The following EDC4 variants were observed in gnomAD, a reference collection of about 807,000 sequenced individuals.
EDC4 encodes the protein enhancer of mRNA-decapping protein 4.
Under a neutral mutation model 155.8 loss-of-function variants are expected in EDC4, and 64 were observed. That is an observed-to-expected ratio of 0.41 (90% CI 0.34 to 0.51). The LOEUF is 0.51. Ranked by LOEUF, EDC4 falls within the 20% of genes least tolerant of loss-of-function variation. EDC4 has a pLI of 0.19. For missense variants in EDC4, 1,303 were observed against 1,812.5 expected (o/e 0.72, Z 5.10); for synonymous variants, 684 against 716.8 (o/e 0.95, Z 0.73).
In EDC4 at chr16:67,876,704, C is replaced by A; in HGVS notation, c.351+105C>A. The A allele has an allele frequency of 6.4e-7, 1 of 1,558,142 alleles. No individual in the cohort carries two copies. The highest frequency in any genetic ancestry group is 1.2e-5 in the South Asian group (1 of 83,756). On this transcript the variant is annotated intron_variant, in intron 3 of 28. Transcript: ENST00000358933. This position sits in a 1 kb window ranked among gnomAD's most constrained non-coding sequence, Gnocchi z 5.8. ...CTATGGGGACCACCTTGACACTTTC[C>A]CAGTTTCAGGAAGCCAGGGCTGGGT...
chr16:67,878,790 G>T lies in EDC4; in HGVS notation c.1238G>T (p.Cys413Phe), dbSNP rs544224004. 6.2e-7 allele frequency: 1 copy of T among 1,614,132 alleles called. No homozygotes were observed. The highest frequency in any genetic ancestry group is 1.3e-5 in the African/African-American group (1 of 75,032). Residue 413 changes from cysteine (C) to phenylalanine (F), a missense_variant, in exon 11 of 29, where the codon TGC (cysteine) becomes TTC (phenylalanine). Around this residue, in one of 5 missense-constraint regions of EDC4, gnomAD observed 235 missense variants for 367.7 expected, o/e 0.64. Transcript: ENST00000358933. The surrounding 1 kb of genome is among the most constrained non-coding windows in gnomAD (Gnocchi z 5.2). The part of the protein sequence containing the change: ...SVSVPPSLKV[C>F]LDLSAEYLIL... ...AGTGTGCCCCCTAGCCTCAAGGTTT[G>T]CTTGGACCTCTCAGCAGAATACCTG...
rs1567389985 is a variant in EDC4, at chr16:67,878,632, G to A, written c.1184+1G>A. 6.2e-7 allele frequency: 1 copy of A among 1,614,194 alleles called. No individual in the cohort carries two copies. Among genetic ancestry groups the A allele is most frequent in the Non-Finnish European group, 8.5e-7 (1 of 1,180,026 alleles). ...CCTGGACCTGCCTGCAGACTATTCG[G>A]TAAGCAGTGGCTGGAAGGCTGGGGG... On this transcript the variant is annotated splice_donor_variant, in intron 10 of 28. Transcript: ENST00000358933. LOFTEE classifies it high-confidence loss of function. This position sits in a 1 kb window ranked among gnomAD's most constrained non-coding sequence, Gnocchi z 5.2.
Position 67,882,725 on chromosome 16 carries a change from A to T in EDC4, c.3489A>T (p.Glu1163Asp), listed in dbSNP as rs149853244. 2 of 1,614,124 alleles carry T rather than the reference A, an allele frequency of 1.2e-6. No homozygotes were observed. Among genetic ancestry groups the T allele is most frequent in the Non-Finnish European group, 1.7e-6 (2 of 1,180,036 alleles). The part of the protein sequence containing the change: ...ESHMKSRKAR[E>D]QEAREPVLAQ... ...ACATGAAGAGCCGGAAGGCACGGGA[A>T]CAGGAGGCCAGGGAGCCTGTGCTAG... The change falls in exon 26 of 29, where the codon GAA becomes GAT. Residue 1163 changes from glutamate (E) to aspartate (D), a missense_variant. Glu to Asp is a conservative substitution (Grantham distance 45). Transcript: ENST00000358933. The surrounding 1 kb of genome is among the most constrained non-coding windows in gnomAD (Gnocchi z 7.2).
In EDC4 at chr16:67,881,706, G is replaced by T; in HGVS notation, c.2865G>T (p.Trp955Cys). 1 of 1,614,020 alleles carries T rather than the reference G, an allele frequency of 6.2e-7. No homozygotes were observed. The highest frequency in any genetic ancestry group is 8.5e-7 in the Non-Finnish European group (1 of 1,179,960). The change falls in exon 22 of 29, where the codon TGG becomes TGT. Residue 955 changes from tryptophan (W) to cysteine (C), a missense_variant. Trp to Cys is a radical substitution (Grantham distance 215, BLOSUM62 -2). Coordinates refer to ENST00000358933, the MANE Select transcript of EDC4 (RefSeq NM_014329.5). This position sits in a 1 kb window ranked among gnomAD's most constrained non-coding sequence, Gnocchi z 5.4. Reference protein sequence around the residue: ...EPPEDWPALIWQQQRELAELR... With the variant: ...EPPEDWPALICQQQRELAELR... ...CTGAGGACTGGCCAGCACTAATTTG[G>T]CAACAGCAGAGAGAGCTGGCAGAGC...
Position 67,879,075 on chromosome 16 carries a change from G to A in EDC4, c.1406G>A (p.Arg469His), listed in dbSNP as rs145624562. The A allele has an allele frequency of 7.4e-6, 12 of 1,613,430 alleles. No individual in the cohort carries two copies. Among genetic ancestry groups the A allele is most frequent in the African/African-American group, 1.3e-5 (1 of 74,954 alleles). The change falls in exon 12 of 29, where the codon CGC (arginine) becomes CAC (histidine). Residue 469 changes from arginine (R) to histidine (H), a missense_variant. Transcript: ENST00000358933. The surrounding 1 kb of genome is among the most constrained non-coding windows in gnomAD (Gnocchi z 6.0). ...AGCTTTGGTATCCAGGTTGTGAGTC[G>A]CTGCCGGCTACGGCACACTGAGGTG... The part of the protein sequence containing the change: ...VLSFGIQVVS[R>H]CRLRHTEVLP...
Position 67,879,175 on chromosome 16 carries a change from T to C in EDC4, c.1468+38T>C, listed in dbSNP as rs1436759862. On this transcript the variant is annotated intron_variant, in intron 12 of 28. Transcript: ENST00000358933. The surrounding 1 kb of genome is among the most constrained non-coding windows in gnomAD (Gnocchi z 6.0). ...AGGGTCAGAGCTATGTGTCCATATATCTAGGGGGTTGTGGAGGCACAGAGA... is the reference window on the plus strand; with the variant it reads ...AGGGTCAGAGCTATGTGTCCATATACCTAGGGGGTTGTGGAGGCACAGAGA... 6.2e-7 allele frequency: 1 copy of C among 1,613,974 alleles called. No homozygotes were observed. Among genetic ancestry groups the C allele is most frequent in the African/African-American group, 1.3e-5 (1 of 74,904 alleles).
Position 67,876,700 on chromosome 16 carries a change from T to C in EDC4, c.351+101T>C. The C allele has an allele frequency of 6.4e-7, 1 of 1,558,588 alleles. No individual in the cohort carries two copies. The highest frequency in any genetic ancestry group is 1.2e-5 in the South Asian group (1 of 83,920). ...GTTCCTATGGGGACCACCTTGACAC[T>C]TTCCCAGTTTCAGGAAGCCAGGGCT... On this transcript the variant is annotated intron_variant, in intron 3 of 28. Coordinates refer to ENST00000358933, the MANE Select transcript of EDC4 (RefSeq NM_014329.5). The surrounding 1 kb of genome is among the most constrained non-coding windows in gnomAD (Gnocchi z 5.8).
At chr16:67,874,482 C>G (rs1447540737) in intron 1 of EDC4, among the ~76,000 whole-genome samples, 1 of 152,182 alleles carries the variant, frequency 6.6e-6, no homozygotes, top group African/African-American at 2.4e-5. Flanking sequence ...CCTCTTTACT[C>G]ATGAGTTGGG....
rs1331709314 is a variant in EDC4 at position 67,880,216 on chromosome 16, G to GGTGTGTGACTGGGTGT, written c.2097+9_2097+24dup. On this transcript the variant is annotated frameshift_variant and splice_region_variant. Coordinates refer to ENST00000358933, the MANE Select transcript of EDC4 (RefSeq NM_014329.5). LOFTEE classifies it high-confidence loss of function. This position sits in a 1 kb window ranked among gnomAD's most constrained non-coding sequence, Gnocchi z 5.2. ...AACTGACTCCCAAGGGGCCGGGCCA[G>GGTGTGTGACTGGGTGT]GTGTGTGACTGGGTGTGTGTGTGAA... The GGTGTGTGACTGGGTGT allele has an allele frequency of 1.2e-6, 2 of 1,600,952 alleles. No individual in the cohort carries two copies. Among genetic ancestry groups the GGTGTGTGACTGGGTGT allele is most frequent in the Non-Finnish European group, 1.7e-6 (2 of 1,175,248 alleles).
At position 67,883,754 on chromosome 16, in the gene EDC4, G is replaced by A; in HGVS notation, c.4013+23G>A. 1 of 1,612,660 alleles carries A rather than the reference G, an allele frequency of 6.2e-7. No individual in the cohort carries two copies. The highest frequency in any genetic ancestry group is 8.5e-7 in the Non-Finnish European group (1 of 1,179,124). On this transcript the variant is annotated intron_variant, in intron 28 of 28. Coordinates refer to ENST00000358933, the MANE Select transcript of EDC4 (RefSeq NM_014329.5). This position sits in a 1 kb window ranked among gnomAD's most constrained non-coding sequence, Gnocchi z 5.3. ...CAGGTAAGTGGGGACAGCCAGGGAT[G>A]GGGAGATGAGCTGGGGAGTGGGGCA...
chr16:67,883,939 T>A lies in EDC4; in HGVS notation c.4014-17T>A. The A allele has an allele frequency of 6.3e-7, 1 of 1,582,880 alleles. No homozygotes were observed. Among genetic ancestry groups the A allele is most frequent in the African/African-American group, 1.3e-5 (1 of 74,470 alleles). On this transcript the variant is annotated splice_polypyrimidine_tract_variant and intron_variant, in intron 28 of 28. Transcript: ENST00000358933. The surrounding 1 kb of genome is among the most constrained non-coding windows in gnomAD (Gnocchi z 5.3). Reference sequence around the variant, plus strand: ...CTGGCACCCACCTGTAGCCTGTCCTTTCCCCCCCATCCCCAGCTACCTGGA... The same window carrying A: ...CTGGCACCCACCTGTAGCCTGTCCTATCCCCCCCATCCCCAGCTACCTGGA...
At position 67,882,434 on chromosome 16, in the gene EDC4, G is replaced by A; in HGVS notation, c.3282G>A (p.Leu1094=). 3 of 1,613,668 alleles carry A rather than the reference G, an allele frequency of 1.9e-6. No individual in the cohort carries two copies. Among genetic ancestry groups the A allele is most frequent in the Non-Finnish European group, 2.5e-6 (3 of 1,179,560 alleles). ...NISKLLKSKN[L]TDAIARAAAD... is the part of the protein sequence containing the mutation. ...GCCCCTCCCTCTAACCCCAGAACTT[G>A]ACTGATGCCATCGCCCGAGCAGCTG... Residue 1094 remains leucine, a synonymous_variant, in exon 25 of 29, where the codon TTG becomes TTA. Transcript: ENST00000358933. The surrounding 1 kb of genome is among the most constrained non-coding windows in gnomAD (Gnocchi z 7.2).
rs1399493966 is a variant in EDC4, at chr16:67,882,553, T to C, written c.3401T>C (p.Phe1134Ser). ...TTTGAGAAGAGCTGCCAGGCCATGT[T>C]CCAGCAAATCAATGATAGCTTCCGG... is the stretch of plus-strand genomic sequence containing the variant. ...PAFEKSCQAMFQQINDSFRLG... is the reference protein window; with the variant it reads ...PAFEKSCQAMSQQINDSFRLG... The change falls in exon 25 of 29, where the codon TTC becomes TCC. Residue 1134 changes from phenylalanine to serine, a missense_variant. Coordinates refer to ENST00000358933, the MANE Select transcript of EDC4 (RefSeq NM_014329.5). The surrounding 1 kb of genome is among the most constrained non-coding windows in gnomAD (Gnocchi z 7.2). 1 of 1,614,154 alleles carries C rather than the reference T, an allele frequency of 6.2e-7. No homozygotes were observed. The highest frequency in any genetic ancestry group is 2.2e-5 in the East Asian group (1 of 44,884).
Position 67,873,156 on chromosome 16 carries a change from T to C in EDC4, c.-106T>C. ...TGCGAACTGCGGGTGGACTGTGTAG[T>C]GACCGGCGTCCCGCTGTCTCGCCCC... On this transcript the variant is annotated 5_prime_UTR_variant, in exon 1 of 29. Coordinates refer to ENST00000358933, the MANE Select transcript of EDC4 (RefSeq NM_014329.5). 2.3e-6 allele frequency: 2 copies of C among 878,046 alleles called. No homozygotes were observed. The highest frequency in any genetic ancestry group is 3.2e-6 in the Non-Finnish European group (2 of 630,612). 54.4% of individuals were successfully genotyped at this position (878,046 alleles called of 1,614,324 possible). A position where few individuals can be genotyped will look rare whatever the true frequency, so the allele number is the denominator to read the frequency against.
intron 1 of EDC4, among the ~76,000 whole-genome samples, chr16:67,874,761 C>T (rs575607627): frequency 1.3e-5 from 2 of 152,280 alleles, no homozygotes; most frequent in South Asian, 2.1e-4. Flanking sequence ...TTCTTGTCTC[C>T]TCTCACTGGA....
At position 67,881,977 on chromosome 16, in the gene EDC4, G is replaced by C. The variant is rs1477753130; in HGVS notation, c.3028G>C (p.Ala1010Pro). 6.2e-6 allele frequency: 10 copies of C among 1,609,946 alleles called. No homozygotes were observed. Among genetic ancestry groups the C allele is most frequent in the Non-Finnish European group, 7.6e-6 (9 of 1,178,194 alleles). The stretch of plus-strand genomic sequence containing the variant: ...AGAGCGGCGGCTGGAGCGAGCACTG[G>C]CTGAGGGGCAGCAGCGGGGAGGGCA... ...QEQRRLERALAEGQQRGGQLQ... is the reference protein window; with the variant it reads ...QEQRRLERALPEGQQRGGQLQ... Residue 1010 changes from alanine (A) to proline (P), a missense_variant, in exon 23 of 29, where the codon GCT becomes CCT. Coordinates refer to ENST00000358933, the MANE Select transcript of EDC4 (RefSeq NM_014329.5). The surrounding 1 kb of genome is among the most constrained non-coding windows in gnomAD (Gnocchi z 5.4).
In EDC4 at chr16:67,877,770, C is replaced by T. The variant is rs1447180178; in HGVS notation, c.819C>T (p.Arg273=). The T allele has an allele frequency of 1.2e-6, 2 of 1,614,180 alleles. No individual in the cohort carries two copies. Among genetic ancestry groups the T allele is most frequent in the Admixed American group, 1.7e-5 (1 of 60,026 alleles). The change falls in exon 7 of 29, where the codon CGC becomes CGT. Residue 273 remains arginine (R), a synonymous_variant. Transcript: ENST00000358933. This position sits in a 1 kb window ranked among gnomAD's most constrained non-coding sequence, Gnocchi z 4.9. ...AGGTGTGGGACCTGGACATGCTCCG[C>T]TCCAGCCACAGTACCTGGCCTGTGG... is the stretch of plus-strand genomic sequence containing the variant. ...RAEVWDLDML[R]SSHSTWPVDV...
At position 67,876,123 on chromosome 16, in the gene EDC4, A is replaced by T; in HGVS notation, c.239+22A>T. On this transcript the variant is annotated intron_variant, in intron 2 of 28. Coordinates refer to ENST00000358933, the MANE Select transcript of EDC4 (RefSeq NM_014329.5). This position sits in a 1 kb window ranked among gnomAD's most constrained non-coding sequence, Gnocchi z 5.8. Reference sequence around the variant, plus strand: ...TCATGTGAGTACCTAGGAGACGACAATAGTGGTGATGGTGTATTTGGGGTG... The same window carrying T: ...TCATGTGAGTACCTAGGAGACGACATTAGTGGTGATGGTGTATTTGGGGTG... 1 of 1,610,404 alleles carries T rather than the reference A, an allele frequency of 6.2e-7. No homozygotes were observed. Among genetic ancestry groups the T allele is most frequent in the Non-Finnish European group, 8.5e-7 (1 of 1,177,016 alleles).
At position 67,877,547 on chromosome 16, in the gene EDC4, C is replaced by T. The variant is rs757206087; in HGVS notation, c.680C>T (p.Thr227Met). 7.4e-6 allele frequency: 12 copies of T among 1,614,086 alleles called. No individual in the cohort carries two copies. The highest frequency in any genetic ancestry group is 5.3e-5 in the African/African-American group (4 of 74,930). Reference sequence around the variant, plus strand: ...GTCCATATTCGGCAGCCAGAGGGCACGCCACTGAACCACTTTCGCAGGATC... The same window carrying T: ...GTCCATATTCGGCAGCCAGAGGGCATGCCACTGAACCACTTTCGCAGGATC... ...ILVHIRQPEGTPLNHFRRIIW... is the reference protein window; with the variant it reads ...ILVHIRQPEGMPLNHFRRIIW... The change falls in exon 6 of 29, where the codon ACG (threonine) becomes ATG (methionine). Residue 227 changes from threonine (T) to methionine (M), a missense_variant. Physicochemically the swap from Thr to Met is moderately conservative, Grantham distance 81. Transcript: ENST00000358933. The surrounding 1 kb of genome is among the most constrained non-coding windows in gnomAD (Gnocchi z 4.9).
Sources: gnomAD v4.1 joint callset for allele counts (sites outside exome capture counted in the v4.1 genomes callset) on GRCh38, gnomAD v4.1.1 for gene constraint, gnomAD v4.1.1 regional missense constraint, Gnocchi (gnomAD v3.1) non-coding constraint, MANE v1.5 for transcripts, NCBI Gene and HGNC (gene_info 2026-07-23, HGNC 2026-07-21) for gene names.